TMEM135: variants seen among roughly 807,000 people sequenced by gnomAD.
TMEM135 encodes transmembrane protein 135.
A neutral mutation model predicts 60.3 loss-of-function variants in TMEM135; 30 were observed. The ratio of observed to expected loss-of-function variants is 0.50; its 90% CI spans 0.37 to 0.68. The LOEUF is 0.68. Among genes scored for constraint, TMEM135 ranks in the 30% least tolerant of loss-of-function variants. The probability of loss-of-function intolerance (pLI) is 0.00; values close to 1 mark genes in which losing one functional copy is unlikely to be tolerated. For missense variants in TMEM135, 468 were observed against 548.8 expected, an observed-to-expected ratio of 0.85 and a Z score of 1.47; for synonymous variants, 190 against 186.7, an observed-to-expected ratio of 1.02 and a Z score of -0.14.
intron 10 of TMEM135, among the ~76,000 whole-genome samples, chr11:87,312,405 T>C (rs998135416): frequency 2.6e-5 from 4 of 151,966 alleles, no homozygotes; most frequent in African/African-American, 9.7e-5. Context: ...CCATCCTTTG[T>C]TATAGGATTT....
At chr11:87,041,501 G>A (rs1033584986) in intron 1 of TMEM135, among the ~76,000 whole-genome samples, 4 of 152,194 alleles carry the variant, frequency 2.6e-5, no homozygotes, top group Middle Eastern at 3.2e-3. Flanking sequence ...CAGAACTCCT[G>A]TGGAATCTCA....
intron 4 of TMEM135, chr11:87,096,441 C>T (rs1390269538): frequency 6.6e-6 from 1 of 152,156 alleles, no homozygotes; most frequent in East Asian, 1.9e-4. Flanking sequence ...GCTTTCCTGC[C>T]CTCCCCAGCA....
chr11:87,299,038 A>C (rs2135437288), intron 7 of TMEM135, among the ~76,000 whole-genome samples: 1 of 151,530 alleles, frequency 6.6e-6, no homozygotes, highest in East Asian at 2.0e-4. Flanking sequence ...CAGTGAGCCG[A>C]GATTGCGCCA....
rs750071231 is a variant in TMEM135, at chr11:87,325,755, T to C, written c.*4422T>C. On this transcript the variant is annotated 3_prime_UTR_variant, in exon 15 of 15. Transcript: ENST00000305494. ...TAGGCAGGATGATGTAGAAGATAAT[T>C]GCACAGATATGGAAGGAGATGTTTC... 7 of 453,846 alleles carry C rather than the reference T, an allele frequency of 1.5e-5. No individual in the cohort carries two copies. Among genetic ancestry groups the C allele is most frequent in the South Asian group, 1.1e-4 (7 of 64,478 alleles). The allele number at this position is 453,846 out of a possible 1,614,324, so 28.1% of individuals were successfully genotyped here. A position where few individuals can be genotyped will look rare whatever the true frequency, so the allele number is the denominator to read the frequency against.
At chr11:87,060,539 C>G (rs1450406543) in intron 1 of TMEM135, among the ~76,000 whole-genome samples, 4 of 152,196 alleles carry the variant, frequency 2.6e-5, no homozygotes, top group African/African-American at 7.2e-5. Flanking sequence ...GTTTTGACTT[C>G]AACATCAATT....
chr11:87,242,283 G>A (rs1475312811), intron 6 of TMEM135, among the ~76,000 whole-genome samples: 1 of 151,872 alleles, frequency 6.6e-6, no homozygotes, highest in African/African-American at 2.4e-5. Flanking sequence ...CTAAGTCTTT[G>A]CTATTGTGAA....
At chr11:87,117,697 A>G (rs1857924757) in intron 4 of TMEM135, among the ~76,000 whole-genome samples, 1 of 152,114 alleles carries the variant, frequency 6.6e-6, no homozygotes, top group Non-Finnish European at 1.5e-5. Flanking sequence ...TACTTCCTTC[A>G]CTGGTCTTGA....
intron 1 of TMEM135, among the ~76,000 whole-genome samples, chr11:87,065,260 A>C (rs1856627742): frequency 6.6e-6 from 1 of 152,204 alleles, no homozygotes; most frequent in African/African-American, 2.4e-5. Context: ...TTTTTCAAAA[A>C]ACTGCTAAGC....
rs964079927 is a variant in TMEM135, at chr11:87,326,167, C to G, written c.*4834C>G. The stretch of plus-strand genomic sequence containing the variant: ...TGCTGCCTCTGCAGAGCATAACATT[C>G]TAATCTTGTCAGACCGTGGATAATA... On this transcript the variant is annotated 3_prime_UTR_variant, in exon 15 of 15. Transcript: ENST00000305494. 1 of 453,596 alleles carries G rather than the reference C, an allele frequency of 2.2e-6. No homozygotes were observed. Among genetic ancestry groups the G allele is most frequent in the Non-Finnish European group, 4.4e-6 (1 of 226,738 alleles). 28.1% of individuals were successfully genotyped at this position (453,596 alleles called of 1,614,324 possible).
At chr11:87,133,871 A>G (rs1398530863) in intron 4 of TMEM135, among the ~76,000 whole-genome samples, 2 of 152,056 alleles carry the variant, frequency 1.3e-5, no homozygotes, top group Non-Finnish European at 2.9e-5. Context: ...ACAATGGTTC[A>G]TTTTTATTGC....
At chr11:87,091,128 A>C (rs1368449798) in intron 3 of TMEM135, among the ~76,000 whole-genome samples, 1 of 152,072 alleles carries the variant, frequency 6.6e-6, no homozygotes, top group African/African-American at 2.4e-5. Context: ...TTACTTAATG[A>C]CTTCTAAGAA....
rs1942821535 is a variant in TMEM135, at chr11:87,321,558, T to C, written c.*225T>C. On this transcript the variant is annotated 3_prime_UTR_variant, in exon 15 of 15. Transcript: ENST00000305494. ...TAGCCAGAATAAGATTCTGGATCAC[T>C]GTAGTGACTGACATTATATATTATT... The C allele has an allele frequency of 1.5e-6, 1 of 664,614 alleles. No individual in the cohort carries two copies. The highest frequency in any genetic ancestry group is 1.8e-5 in the African/African-American group (1 of 56,376). 41.2% of individuals were successfully genotyped at this position (664,614 alleles called of 1,614,324 possible).
chr11:87,106,659 T>A (rs1371902360), intron 4 of TMEM135, among the ~76,000 whole-genome samples: 1 of 152,346 alleles, frequency 6.6e-6, no homozygotes, highest in East Asian at 1.9e-4. Context: ...TAAGTGTTTA[T>A]TAGAATTCAC....
Position 87,267,845 on chromosome 11 carries a change from C to T in TMEM135, c.510-27937C>T, listed in dbSNP as rs565807355. ...GTAGCTGGGATTACAGGTGCCACCACGACGCCTGGAGAATTTTTGTATTTT... is the reference window on the plus strand; with the variant it reads ...GTAGCTGGGATTACAGGTGCCACCATGACGCCTGGAGAATTTTTGTATTTT... On this transcript the variant is annotated intron_variant, in intron 6 of 14. Coordinates refer to ENST00000305494, the MANE Select transcript of TMEM135 (RefSeq NM_022918.4). Among the ~76,000 whole-genome samples, 389 of 152,176 alleles carry T rather than the reference C, an allele frequency of 2.6e-3. 1 individual carries two copies. The highest frequency in any genetic ancestry group is 3.1e-3 in the Non-Finnish European group (214 of 67,978).
intron 4 of TMEM135, chr11:87,121,593 C>T (rs1219994418): frequency 6.7e-6 from 1 of 150,296 alleles, no homozygotes; most frequent in Non-Finnish European, 1.5e-5. Flanking sequence ...ACAGAAGTTC[C>T]ACAGGAGATT....
intron 3 of TMEM135, among the ~76,000 whole-genome samples, chr11:87,077,540 G>A (rs1341774665): frequency 6.6e-6 from 1 of 152,134 alleles, no homozygotes; most frequent in Non-Finnish European, 1.5e-5. Flanking sequence ...ATTTACACCT[G>A]TTTCCCTTTT....
At chr11:87,241,268 A>T (rs1009318071) in intron 6 of TMEM135, among the ~76,000 whole-genome samples, 1 of 152,046 alleles carries the variant, frequency 6.6e-6, no homozygotes, top group African/African-American at 2.4e-5. Flanking sequence ...CATATAAAAA[A>T]CTTTTGATCT....
intron 6 of TMEM135, among the ~76,000 whole-genome samples, chr11:87,246,711 T>G (rs1276997490): frequency 7.1e-6 from 1 of 141,054 alleles, no homozygotes; most frequent in Non-Finnish European, 1.5e-5. Context: ...ATCAGCTCCT[T>G]TAAGCACTTC....
chr11:87,050,509 A>G (rs1266248135), intron 1 of TMEM135, among the ~76,000 whole-genome samples: 102 of 58,772 alleles, frequency 1.7e-3, no homozygotes, highest in Admixed American at 2.8e-3. Context: ...CAGAAATACA[A>G]ACTACCATCA....
Sources: allele counts gnomAD v4.1 joint callset (sites outside exome capture counted in the v4.1 genomes callset), GRCh38; gene constraint gnomAD v4.1.1; transcripts MANE v1.5; gene names NCBI Gene and HGNC (gene_info 2026-07-23, HGNC 2026-07-21).